PAX6: variants seen among roughly 807,000 people sequenced by gnomAD.
PAX6 encodes the protein paired box 6.
In PAX6, 7 loss-of-function variants were observed where a neutral mutation model predicts 60.7. The ratio of observed to expected loss-of-function variants is 0.12; its 90% CI spans 0.07 to 0.22. The LOEUF is 0.22. PAX6 is among the 10% of genes least tolerant of loss of function. The probability of loss-of-function intolerance (pLI) is 1.00; values close to 1 mark genes in which losing one functional copy is unlikely to be tolerated. For synonymous variants in PAX6, 208 were observed against 201.2 expected, an observed-to-expected ratio of 1.03 and a Z score of -0.29; for missense variants, 355 against 555.2, an observed-to-expected ratio of 0.64 and a Z score of 3.62.
chr11:31,803,737 G>C (rs1272223228), intron 4 of PAX6: 4 of 152,660 alleles, frequency 2.6e-5, no homozygotes, highest in African/African-American at 9.7e-5. Context: ...CTTAGCCAAG[G>C]ATAGATATTA....
chr11:31,811,042 A>T, intron 1 of PAX6, 27 bp from the exon 2 acceptor site: 1 of 399,334 alleles, frequency 2.5e-6, no homozygotes, highest in South Asian at 1.3e-4. Context: ...GATTGACAAT[A>T]AAATGGGCTG....
intron 2 of PAX6, 60 bp downstream of exon 2, chr11:31,810,768 G>C (rs1021720254): frequency 2.5e-6 from 1 of 398,724 alleles, no homozygotes; most frequent in Non-Finnish European, 4.4e-6. Context: ...GGGGGAGGAA[G>C]GGGGAGACCT....
chr11:31,790,733 C>T lies in PAX6; in HGVS notation c.1202G>A (p.Gly401Asp), dbSNP rs1392343463. The T allele has an allele frequency of 5.6e-6, 9 of 1,613,928 alleles. No individual in the cohort carries two copies. The highest frequency in any genetic ancestry group is 7.6e-6 in the Non-Finnish European group (9 of 1,180,036). ...ACCTGTTGAAGTGGTGCCCGAGGTG[C>T]CCATTGGCTGACTGTTCATGTGTGT... Reference protein sequence around the residue: ...MQTHMNSQPMGTSGTTSTGLI... With the variant: ...MQTHMNSQPMDTSGTTSTGLI... Residue 401 changes from glycine (G) to aspartate (D), a missense_variant, in exon 13 of 14, where the codon GGC (glycine) becomes GAC (aspartate). By Grantham distance (94) the Gly-to-Asp change is moderately conservative (BLOSUM62 -1). Around this residue, in one of 5 missense-constraint regions of PAX6, gnomAD observed 149 missense variants for 191.9 expected, o/e 0.78. Transcript: ENST00000640368.
chr11:31,816,117 C>T (rs1190209480), upstream of PAX6: 4 of 154,938 alleles, frequency 2.6e-5, no homozygotes, highest in South Asian at 2.0e-4. Flanking sequence ...AGCCCCTGCA[C>T]GCGCGGCGCG....
chr11:31,796,357 C>CA (rs1951509613), intron 8 of PAX6, among the ~76,000 whole-genome samples: 1 of 152,108 alleles, frequency 6.6e-6, no homozygotes, highest in Non-Finnish European at 1.5e-5. Context: ...CATTGTGTTA[C>CA]AAGAAGCCCA....
In PAX6 at chr11:31,811,139, G is replaced by A. The variant is rs1055363585; in HGVS notation, c.-341C>T. The A allele has an allele frequency of 2.5e-6, 1 of 399,060 alleles. No homozygotes were observed. Among genetic ancestry groups the A allele is most frequent in the Non-Finnish European group, 4.4e-6 (1 of 226,198 alleles). 24.7% of individuals were successfully genotyped at this position (399,060 alleles called of 1,614,324 possible). A position where few individuals can be genotyped will look rare whatever the true frequency, so the allele number is the denominator to read the frequency against. The stretch of plus-strand genomic sequence containing the variant: ...CCTATGCTGATTGGTGATGGCTCAA[G>A]TGTGTTAATGTGTGTGTGCCGGCGC... On this transcript the variant is annotated 5_prime_UTR_variant, in exon 1 of 14. Transcript: ENST00000640368.
chr11:31,806,572 A>G, intron 3 of PAX6, 110 bp from the exon 4 acceptor site: 1 of 847,114 alleles, frequency 1.2e-6, no homozygotes. Flanking sequence ...GTTCTTTAGG[A>G]ATTGATCCAC....
chr11:31,811,350 T>C (rs1957000916), upstream of PAX6: 1 of 398,168 alleles, frequency 2.5e-6, no homozygotes, highest in Non-Finnish European at 4.4e-6. Flanking sequence ...TCACACAAAA[T>C]ATTGCTTTAT....
Position 31,793,508 on chromosome 11 carries a change from G to T in PAX6, c.1004C>A (p.Ala335Asp), listed in dbSNP as rs773515612. Residue 335 changes from alanine (A) to aspartate (D), a missense_variant, in exon 12 of 14, where the codon GCC becomes GAC. Transcript: ENST00000640368. ...CAGAGCGCTGTAGGTGTTTGTGAGG[G>T]CTGTGTCTGTTCGGCCCAACATGGA... ...SGSMLGRTDTALTNTYSALPP... is the reference protein window; with the variant it reads ...SGSMLGRTDTDLTNTYSALPP... 1.9e-6 allele frequency: 3 copies of T among 1,614,222 alleles called. No homozygotes were observed. Among genetic ancestry groups the T allele is most frequent in the South Asian group, 2.2e-5 (2 of 91,084 alleles).
chr11:31,794,887 C>A, intron 8 of PAX6, 99 bp from the exon 9 acceptor site: 1 of 1,120,650 alleles, frequency 8.9e-7, no homozygotes, highest in African/African-American at 1.5e-5. Context: ...CATTATATCC[C>A]GACAGCCTCA....
Position 31,794,658 on chromosome 11 carries a change from G to A in PAX6, c.696C>T (p.Thr232=), listed in dbSNP as rs1164412620. 6 of 1,613,974 alleles carry A rather than the reference G, an allele frequency of 3.7e-6. No individual in the cohort carries two copies. The highest frequency in any genetic ancestry group is 1.3e-5 in the African/African-American group (1 of 74,882). ...RKLQRNRTSF[T]QEQIEALEKE... The stretch of plus-strand genomic sequence containing the variant: ...TCTCCAGGGCCTCAATTTGCTCTTG[G>A]GTAAAGGATGTTCTATTTCTTTGCA... The change falls in exon 9 of 14, where the codon ACC becomes ACT. Residue 232 remains threonine (T), a synonymous_variant. Coordinates refer to ENST00000640368, the MANE Select transcript of PAX6 (RefSeq NM_001368894.2).
Position 31,801,910 on chromosome 11 carries a change from G to T in PAX6, c.144C>A (p.Thr48=). 6.2e-7 allele frequency: 1 copy of T among 1,613,224 alleles called. No individual in the cohort carries two copies. The highest frequency in any genetic ancestry group is 8.5e-7 in the Non-Finnish European group (1 of 1,179,296). The change falls in exon 6 of 14, where the codon ACC becomes ACA. Residue 48 remains threonine (T), a splice_region_variant and synonymous_variant. Coordinates refer to ENST00000640368, the MANE Select transcript of PAX6 (RefSeq NM_001368894.2). ...GCACTTGGACTTTTGCATCTGCATGGGTCTATAACACAAAAATATACCTTC... is the reference window on the plus strand; with the variant it reads ...GCACTTGGACTTTTGCATCTGCATGTGTCTATAACACAAAAATATACCTTC... ...RPCDISRILQ[T]HADAKVQVLD...
rs762915630 is a variant in PAX6 at position 31,789,441 on chromosome 11, T to C, written c.*493A>G. ...TAAATCTAGTGCATGTTGTTCCAGG[T>C]TTAATTATATGCAAAGGAATGATAC... On this transcript the variant is annotated 3_prime_UTR_variant, in exon 14 of 14. Coordinates refer to ENST00000640368, the MANE Select transcript of PAX6 (RefSeq NM_001368894.2). 2.3e-6 allele frequency: 1 copy of C among 430,398 alleles called. No homozygotes were observed. The highest frequency in any genetic ancestry group is 5.0e-5 in the South Asian group (1 of 19,986). 26.7% of individuals were successfully genotyped at this position (430,398 alleles called of 1,614,324 possible).
chr11:31,796,812 C>A (rs1438759162), intron 8 of PAX6, among the ~76,000 whole-genome samples: 1 of 152,024 alleles, frequency 6.6e-6, no homozygotes, highest in Admixed American at 6.5e-5. Flanking sequence ...GGATGAGGGC[C>A]AGAGAATATT....
At chr11:31,806,134 A>G (rs1005198285) in intron 4 of PAX6, 1 of 471,800 alleles carries the variant, frequency 2.1e-6, no homozygotes, top group Non-Finnish European at 3.7e-6. Flanking sequence ...TTTGGGGGGG[A>G]TGGGGTTTCT....
At chr11:31,800,668 G>A (rs769245189) in intron 8 of PAX6, 23 bp downstream of exon 8, 8 of 1,613,514 alleles carry the variant, frequency 5.0e-6, no homozygotes, top group Non-Finnish European at 6.8e-6. Flanking sequence ...GGAGAGCTGC[G>A]TGGATGGCTG....
chr11:31,789,912 CTTTTTTTT>C lies in PAX6; in HGVS notation c.*14_*21del. On this transcript the variant is annotated 3_prime_UTR_variant, in exon 14 of 14. Transcript: ENST00000640368. ...CTGAATTAACACAATATTTCCTTTC[CTTTTTTTT>C]TTTTTTTTTTTTTTTACTGTAATCT... 11 of 1,045,940 alleles carry C rather than the reference CTTTTTTTT, an allele frequency of 1.1e-5. No homozygotes were observed. The highest frequency in any genetic ancestry group is 2.2e-5 in the African/African-American group (1 of 46,250). 64.8% of individuals were successfully genotyped at this position (1,045,940 alleles called of 1,614,324 possible).
chr11:31,794,805 A>G lies in PAX6; in HGVS notation c.566-17T>C. On this transcript the variant is annotated splice_polypyrimidine_tract_variant and intron_variant, in intron 8 of 13. Coordinates refer to ENST00000640368, the MANE Select transcript of PAX6 (RefSeq NM_001368894.2). ...GGCAGCCATCTGGAACAAAAAGAATAGGATGGTAAGAGAAATTTGGATTAA... is the reference window on the plus strand; with the variant it reads ...GGCAGCCATCTGGAACAAAAAGAATGGGATGGTAAGAGAAATTTGGATTAA... 1 of 1,614,012 alleles carries G rather than the reference A, an allele frequency of 6.2e-7. No individual in the cohort carries two copies. The highest frequency in any genetic ancestry group is 8.5e-7 in the Non-Finnish European group (1 of 1,179,856).
chr11:31,816,703 G>GC, intron 1 of PAX6: 2 of 534,362 alleles, frequency 3.7e-6, no homozygotes, highest in East Asian at 6.3e-5. Context: ...TGAGCAGGGG[G>GC]CGCCACCGCT....
Sources: allele counts gnomAD v4.1 joint callset (sites outside exome capture counted in the v4.1 genomes callset), GRCh38; gene constraint gnomAD v4.1.1; regional missense constraint gnomAD v4.1.1; transcripts MANE v1.5; gene names NCBI Gene and HGNC (gene_info 2026-07-23, HGNC 2026-07-21).